Variants in NRXN3 observed in about 807,000 individuals in gnomAD.
The protein encoded by NRXN3 is neurexin III.
NRXN3 carries 32 observed loss-of-function variants against 137.6 expected under a neutral mutation model. The ratio of observed to expected loss-of-function variants is 0.23; its 90% CI spans 0.18 to 0.31. The LOEUF (loss-of-function observed/expected upper bound fraction) is 0.31. Ranked by LOEUF, NRXN3 falls within the 10% of genes least tolerant of loss-of-function variation. The pLI, the probability that NRXN3 is intolerant of heterozygous loss-of-function variation, is 1.00. For synonymous variants in NRXN3, 798 were observed against 784.5 expected (o/e 1.02, Z -0.29); for missense variants, 1,574 against 2,062.5 (o/e 0.76, Z 4.59).
chr14:79,280,401 C>A (rs774942321), intron 15 of NRXN3: 1 of 1,614,132 alleles, frequency 6.2e-7, no homozygotes, highest in Admixed American at 1.7e-5. Flanking sequence ...TGGAGTTCTT[C>A]TAATGTAGCT....
Position 79,649,792 on chromosome 14 carries a change from A to C in NRXN3, c.3445-13986A>C, listed in dbSNP as rs17109652. Among the ~76,000 whole-genome samples, 3,157 of 152,260 alleles carry C rather than the reference A, an allele frequency of 0.021. 179 individuals are homozygous for C. The East Asian group carries it at 0.22, about 11-fold the overall frequency. ...TTCTCCCATTCCTCTTTACTTTCTCAACTGCATCCACTTAAATACATCTTA... is the reference window on the plus strand; with the variant it reads ...TTCTCCCATTCCTCTTTACTTTCTCCACTGCATCCACTTAAATACATCTTA... On this transcript the variant is annotated intron_variant, in intron 16 of 20. Coordinates refer to ENST00000335750, the MANE Select transcript of NRXN3 (RefSeq NM_001330195.2).
chr14:79,025,927 C>T lies in NRXN3; in HGVS notation c.3262+37786C>T, dbSNP rs1171844485. 7.2e-5 allele frequency among the ~76,000 whole-genome samples: 11 copies of T among 152,218 alleles called. No homozygotes were observed. In the East Asian group the frequency reaches 1.7e-3, roughly 24 times the overall value. ...TCCTTGATGTATATGCTTTCAGCCT[C>T]CAGTTTGTTGCCTCTTAGTCACAGT... On this transcript the variant is annotated intron_variant, in intron 15 of 20. Coordinates refer to ENST00000335750, the MANE Select transcript of NRXN3 (RefSeq NM_001330195.2).
chr14:78,486,528 T>C (rs755996887), intron 4 of NRXN3, among the ~76,000 whole-genome samples: 22 of 152,104 alleles, frequency 1.4e-4, no homozygotes, highest in Non-Finnish European at 2.9e-4. Context: ...AGTCCGTGTA[T>C]AGAAATTGAT....
rs1240351434 is a variant in NRXN3 at position 79,179,080 on chromosome 14, G to C, written c.3262+190939G>C. ...CATCTCTGAGGTTTGTCTTCTTCTT[G>C]CATCTGCTGATAGCACTCACTTCTC... On this transcript the variant is annotated intron_variant, in intron 15 of 20. Coordinates refer to ENST00000335750, the MANE Select transcript of NRXN3 (RefSeq NM_001330195.2). Among the ~76,000 whole-genome samples the C allele has an allele frequency of 4.6e-5, 7 of 152,134 alleles. No individual in the cohort carries two copies. In the East Asian group the frequency reaches 7.7e-4, roughly 17 times the overall value.
intron 15 of NRXN3, among the ~76,000 whole-genome samples, chr14:79,448,803 T>G (rs565735794): frequency 2.7e-4 from 41 of 152,286 alleles, no homozygotes; most frequent in African/African-American, 9.6e-4. Context: ...ATGTATTATG[T>G]GTATATCTCT....
intron 15 of NRXN3, among the ~76,000 whole-genome samples, chr14:79,025,239 A>G (rs116668560): frequency 5.1e-4 from 77 of 152,046 alleles, no homozygotes; most frequent in African/African-American, 1.8e-3. Context: ...GGTCCTCCAG[A>G]CTCCAAATAC....
At chr14:79,204,186 C>T (rs569262069) in intron 15 of NRXN3, among the ~76,000 whole-genome samples, 19 of 151,906 alleles carry the variant, frequency 1.3e-4, no homozygotes, top group African/African-American at 4.1e-4. Flanking sequence ...AAAGAGCTCC[C>T]GTCAGGTGCT....
chr14:79,526,622 C>T (rs1216079718), intron 16 of NRXN3, among the ~76,000 whole-genome samples: 2 of 152,134 alleles, frequency 1.3e-5, no homozygotes, highest in African/African-American at 4.8e-5. Context: ...TATTTATTAG[C>T]TGCATACCGT....
intron 15 of NRXN3, among the ~76,000 whole-genome samples, chr14:79,010,484 G>C (rs1427928005): frequency 1.3e-5 from 2 of 152,180 alleles, no homozygotes; most frequent in Non-Finnish European, 2.9e-5. Flanking sequence ...AAATCTGAAA[G>C]GTTTTTCACT....
At chr14:78,611,059 C>A (rs763078250) in intron 4 of NRXN3, among the ~76,000 whole-genome samples, 1 of 152,140 alleles carries the variant, frequency 6.6e-6, no homozygotes, top group Non-Finnish European at 1.5e-5. Context: ...ATTTGCTCCC[C>A]CTCCACCCAA....
In NRXN3 at chr14:78,780,508, G is replaced by A. The variant is rs148526878; in HGVS notation, c.2045-23112G>A. Among the ~76,000 whole-genome samples the A allele has an allele frequency of 6.0e-3, 910 of 152,088 alleles. 9 individuals are homozygous for A. Among genetic ancestry groups the A allele is most frequent in the Non-Finnish European group, 1.0e-2 (679 of 67,988 alleles). ...TCCAGAAAGATATGATAAATTAAAA[G>A]ACGAGCTACAGACTTGGAGAAAACA... On this transcript the variant is annotated intron_variant, in intron 8 of 20. Transcript: ENST00000335750.
chr14:78,173,077 T>A (rs749541935), intron 1 of NRXN3, among the ~76,000 whole-genome samples: 1 of 152,074 alleles, frequency 6.6e-6, no homozygotes, highest in East Asian at 1.9e-4. Context: ...TTTGTCGATG[T>A]GCATGGTAGG....
chr14:79,381,966 T>A (rs1311998055), intron 15 of NRXN3, among the ~76,000 whole-genome samples: 4 of 152,208 alleles, frequency 2.6e-5, no homozygotes, highest in Non-Finnish European at 5.9e-5. Flanking sequence ...CTCCTTGTAC[T>A]CTGAAGTAGC....
At chr14:78,614,998 C>T in intron 4 of NRXN3, 2 of 456,544 alleles carry the variant, frequency 4.4e-6, no homozygotes, top group South Asian at 3.1e-5. Flanking sequence ...CCTAAATGCA[C>T]CCCTCTACCC....
intron 20 of NRXN3, among the ~76,000 whole-genome samples, chr14:79,815,684 G>C (rs769448268): frequency 2.5e-4 from 38 of 152,240 alleles, no homozygotes; most frequent in Non-Finnish European, 4.9e-4. Flanking sequence ...CACACACACA[G>C]AGCTCTAATT....
intron 15 of NRXN3, among the ~76,000 whole-genome samples, chr14:79,251,643 G>C (rs1281824761): frequency 6.6e-6 from 1 of 152,092 alleles, no homozygotes; most frequent in Admixed American, 6.5e-5. Flanking sequence ...TCCATGGGAG[G>C]ATTCACAGGT....
chr14:79,444,088 T>C (rs2096014459), intron 15 of NRXN3, among the ~76,000 whole-genome samples: 1 of 152,192 alleles, frequency 6.6e-6, no homozygotes, highest in Non-Finnish European at 1.5e-5. Context: ...TACTGAAGCA[T>C]GTGAATGCCA....
At chr14:79,008,230 C>T (rs562102376) in intron 15 of NRXN3, among the ~76,000 whole-genome samples, 1 of 152,274 alleles carries the variant, frequency 6.6e-6, no homozygotes, top group South Asian at 2.1e-4. Context: ...AGCAGCAGCA[C>T]ATTACTTTTT....
intron 7 of NRXN3, among the ~76,000 whole-genome samples, chr14:78,710,134 A>T (rs1195662539): frequency 6.6e-6 from 1 of 152,246 alleles, no homozygotes; most frequent in Non-Finnish European, 1.5e-5. Context: ...GTCATGTTGC[A>T]TGGAGAAATT....
Sources: gnomAD v4.1 joint callset for allele counts (sites outside exome capture counted in the v4.1 genomes callset) on GRCh38, gnomAD v4.1.1 for gene constraint, MANE v1.5 for transcripts, NCBI Gene and HGNC (gene_info 2026-07-23, HGNC 2026-07-21) for gene names.